GYPB: variants seen among roughly 807,000 people sequenced by gnomAD.
GYPB encodes glycophorin-B.
In GYPB, 13 loss-of-function variants were observed where a neutral mutation model predicts 15.3. The ratio of observed to expected loss-of-function variants is 0.85; its 90% confidence interval spans 0.55 to 1.35. The LOEUF (loss-of-function observed/expected upper bound fraction) is 1.35, where lower values mean the gene tolerates loss of function less well. Ranked by LOEUF, GYPB falls within the 40% of genes most tolerant of loss-of-function variation. The pLI is 0.00. For synonymous variants in GYPB, 38 were observed against 36.9 expected, an observed-to-expected ratio of 1.03 and a Z score of -0.11; for missense variants, 131 against 108.3, an observed-to-expected ratio of 1.21 and a Z score of -0.93.
In GYPB at chr4:143,997,744, A is replaced by T. The variant is rs1727402307; in HGVS notation, c.176-110T>A. On this transcript the variant is annotated intron_variant, in intron 3 of 4. Coordinates refer to ENST00000502664, the MANE Select transcript of GYPB (RefSeq NM_002100.6). The stretch of plus-strand genomic sequence containing the variant: ...ATCACCTTGCCTTTTAATACAAAGT[A>T]CAGTTAACATACTATTATGTGTATT... The T allele has an allele frequency of 1.7e-5, 12 of 693,620 alleles. No homozygotes were observed. The South Asian group carries it at 1.8e-4, about 10-fold the overall frequency. The allele number at this position is 693,620 out of a possible 1,614,324, so 43.0% of individuals were successfully genotyped here. A position where few individuals can be genotyped will look rare whatever the true frequency, so the allele number is the denominator to read the frequency against.
intron 1 of GYPB, among the ~76,000 whole-genome samples, chr4:144,015,460 G>T (rs1226719792): frequency 2.0e-5 from 3 of 151,270 alleles, no homozygotes; most frequent in African/African-American, 4.9e-5. Context: ...TTGAGCAAAA[G>T]ATATTACATT....
intron 1 of GYPB, chr4:144,012,318 A>C (rs1008870807): frequency 6.6e-6 from 1 of 151,550 alleles, no homozygotes; most frequent in Non-Finnish European, 1.5e-5. Context: ...CCTAGGCTCA[A>C]ACTAATTCCT....
chr4:143,996,478 A>C (rs1184109002), intron 4 of GYPB, among the ~76,000 whole-genome samples, 174 bp from the exon 5 acceptor site: 7 of 151,148 alleles, frequency 4.6e-5, no homozygotes, highest in Admixed American at 3.3e-4. Context: ...TAAAAACCCT[A>C]ATTAGGGCCG....
chr4:144,009,763 G>A (rs1478231291), intron 1 of GYPB, among the ~76,000 whole-genome samples: 3 of 149,154 alleles, frequency 2.0e-5, no homozygotes, highest in East Asian at 2.0e-4. Context: ...ACAGGCACCC[G>A]CCACCAAGCC....
In GYPB at chr4:144,009,908, C is replaced by T. The variant is rs142195345; in HGVS notation, c.38-8625G>A. Reference sequence around the variant, plus strand: ...GATTACAGGCTTGGACCACTGTACCCGGCCTATTTTGATTTTTTTAAGCAC... The same window carrying T: ...GATTACAGGCTTGGACCACTGTACCTGGCCTATTTTGATTTTTTTAAGCAC... On this transcript the variant is annotated intron_variant, in intron 1 of 4. Transcript: ENST00000502664. Among the ~76,000 whole-genome samples the T allele has an allele frequency of 3.5e-3, 518 of 150,124 alleles. 26 individuals carry two copies. The highest frequency in any genetic ancestry group is 0.012 in the African/African-American group (480 of 40,168).
At chr4:144,007,751 G>T (rs1362467288) in intron 1 of GYPB, among the ~76,000 whole-genome samples, 4 of 151,468 alleles carry the variant, frequency 2.6e-5, no homozygotes, top group Non-Finnish European at 5.9e-5. Context: ...CAGTTTTCTG[G>T]CCTCTAAGAT....
intron 1 of GYPB, among the ~76,000 whole-genome samples, chr4:144,008,069 A>G: frequency 6.6e-6 from 1 of 151,538 alleles, no homozygotes; most frequent in African/African-American, 2.5e-5. Flanking sequence ...ACCATTTTTA[A>G]AACAACTAGC....
At chr4:144,001,792 A>C (rs1168775868) in intron 1 of GYPB, among the ~76,000 whole-genome samples, 1 of 151,066 alleles carries the variant, frequency 6.6e-6, no homozygotes, top group African/African-American at 2.5e-5. Context: ...TACAGAACAA[A>C]AGTTCTGTCC....
chr4:144,004,841 T>G (rs867490466), intron 1 of GYPB, among the ~76,000 whole-genome samples: 15 of 151,936 alleles, frequency 9.9e-5, no homozygotes, highest in South Asian at 6.2e-4. Context: ...TCTGCAAAGC[T>G]GCAAAATATC....
At chr4:144,016,734 T>C (rs995029086) in intron 1 of GYPB, 4 of 372,392 alleles carry the variant, frequency 1.1e-5, no homozygotes, top group Non-Finnish European at 2.1e-5. Context: ...ATTTTCAAAT[T>C]GGTTCTTAGC....
rs1478293705 is a variant in GYPB, at chr4:144,005,161, C to T, written c.38-3878G>A. Among the ~76,000 whole-genome samples the T allele has an allele frequency of 3.3e-5, 5 of 151,954 alleles. No individual in the cohort carries two copies. The East Asian group carries it at 7.7e-4, about 23-fold the overall frequency. On this transcript the variant is annotated intron_variant, in intron 1 of 4. Coordinates refer to ENST00000502664, the MANE Select transcript of GYPB (RefSeq NM_002100.6). ...TACATTTAAGCTAGAAAACCACTTG[C>T]AGCACATCTAATCCAAATTGCCGAC...
intron 1 of GYPB, among the ~76,000 whole-genome samples, chr4:144,012,040 G>A (rs566862512): frequency 7.8e-4 from 118 of 152,164 alleles, no homozygotes; most frequent in African/African-American, 2.7e-3. Context: ...TCAAAAGGAG[G>A]CCTCCAGAAT....
chr4:144,014,568 A>G (rs1272827721), intron 1 of GYPB, among the ~76,000 whole-genome samples: 1 of 151,474 alleles, frequency 6.6e-6, no homozygotes, highest in African/African-American at 2.5e-5. Context: ...TATATGAAAT[A>G]TCTAAAATGG....
At chr4:144,007,192 A>G (rs536214497) in intron 1 of GYPB, among the ~76,000 whole-genome samples, 1 of 151,050 alleles carries the variant, frequency 6.6e-6, no homozygotes, top group South Asian at 2.1e-4. Context: ...GTGTGATAGC[A>G]TCTGAGCCTA....
At position 143,996,180 on chromosome 4, in the gene GYPB, G is replaced by A; in HGVS notation, c.*119C>T. On this transcript the variant is annotated 3_prime_UTR_variant, in exon 5 of 5. Coordinates refer to ENST00000502664, the MANE Select transcript of GYPB (RefSeq NM_002100.6). ...AGTGAGGCAGGAGAACAGGGAATTA[G>A]GATAGCCAGGGGTAGGGGCATAAGC... 1.3e-6 allele frequency: 2 copies of A among 1,538,418 alleles called. No homozygotes were observed. Among genetic ancestry groups the A allele is most frequent in the East Asian group, 2.5e-5 (1 of 40,736 alleles).
intron 1 of GYPB, among the ~76,000 whole-genome samples, chr4:144,002,930 T>G (rs142983169): frequency 0.011 from 1,680 of 150,874 alleles, 70 homozygotes; most frequent in African/African-American, 0.039. Context: ...CATCATGTGT[T>G]TATAAACGAT....
chr4:143,998,200 T>G (rs1397427746), intron 3 of GYPB, among the ~76,000 whole-genome samples: 2 of 151,354 alleles, frequency 1.3e-5, no homozygotes, highest in Non-Finnish European at 2.9e-5. Context: ...CTTTATTCCT[T>G]CCACAGTATT....
rs907129436 is a variant in GYPB at position 144,009,024 on chromosome 4, C to G, written c.38-7741G>C. Among the ~76,000 whole-genome samples, 16 of 151,542 alleles carry G rather than the reference C, an allele frequency of 1.1e-4. 1 individual carries two copies. The highest frequency in any genetic ancestry group is 3.9e-4 in the African/African-American group (16 of 40,794). ...CAGTATGGGATATTAGCCTGAACAA[C>G]TTTAGAAATAACATCATTTGCCATC... is the stretch of plus-strand genomic sequence containing the variant. On this transcript the variant is annotated intron_variant, in intron 1 of 4. Coordinates refer to ENST00000502664, the MANE Select transcript of GYPB (RefSeq NM_002100.6).
At chr4:144,002,660 C>T in intron 1 of GYPB, 1 of 1,285,476 alleles carries the variant, frequency 7.8e-7, no homozygotes, top group Non-Finnish European at 1.0e-6. Context: ...TCAGAGGCAG[C>T]CAACTTGGCC....
Sources: gnomAD v4.1 joint callset for allele counts (sites outside exome capture counted in the v4.1 genomes callset) on GRCh38, gnomAD v4.1.1 for gene constraint, MANE v1.5 for transcripts, NCBI Gene and HGNC (gene_info 2026-07-23, HGNC 2026-07-21) for gene names.